MTR: variants seen among roughly 807,000 people sequenced by gnomAD.
MTR encodes 5-methyltetrahydrofolate-homocysteine methyltransferase.
A neutral mutation model predicts 154.8 loss-of-function variants in MTR; 84 were observed. The observed-to-expected ratio is 0.54, with a 90% CI of 0.45 to 0.65. MTR has a LOEUF of 0.65. Ranked by LOEUF, MTR falls within the 30% of genes least tolerant of loss-of-function variation. The pLI is 0.00. For synonymous variants in MTR, 554 were observed against 553.9 expected (o/e 1.00, Z 0.00); for missense variants, 1,275 against 1,570.2 (o/e 0.81, Z 3.18).
rs763138510 is a variant in MTR at position 236,886,355 on chromosome 1, G to C, written c.2839G>C (p.Glu947Gln). ...TGGTTTCCAAATGGATTGGCTGTCTGAACCTCACCCAGGTCTGTTTGGCTA... is the reference window on the plus strand; with the variant it reads ...TGGTTTCCAAATGGATTGGCTGTCTCAACCTCACCCAGGTCTGTTTGGCTA... ...KSGFQMDWLS[E>Q]PHPVKPTFIG... The change falls in exon 27 of 33, where the codon GAA becomes CAA. Residue 947 changes from glutamate (E) to glutamine (Q), a missense_variant. Coordinates refer to ENST00000366577, the MANE Select transcript of MTR (RefSeq NM_000254.3). 1 of 1,614,170 alleles carries C rather than the reference G, an allele frequency of 6.2e-7. No individual in the cohort carries two copies. Among genetic ancestry groups the C allele is most frequent in the Middle Eastern group, 1.6e-4 (1 of 6,062 alleles).
At position 236,815,672 on chromosome 1, in the gene MTR, T is replaced by C; in HGVS notation, c.669+9T>C. Reference sequence around the variant, plus strand: ...CTCCCCGGCCTATCTTTGTAAGTTCTAAAGTGTTTGCACAATACATTCTTT... The same window carrying C: ...CTCCCCGGCCTATCTTTGTAAGTTCCAAAGTGTTTGCACAATACATTCTTT... On this transcript the variant is annotated intron_variant, in intron 7 of 32. Coordinates refer to ENST00000366577, the MANE Select transcript of MTR (RefSeq NM_000254.3). The C allele has an allele frequency of 6.3e-7, 1 of 1,592,396 alleles. No individual in the cohort carries two copies. The highest frequency in any genetic ancestry group is 1.1e-5 in the South Asian group (1 of 89,998).
At chr1:236,887,333 G>A (rs1320739034) in intron 27 of MTR, among the ~76,000 whole-genome samples, 3 of 152,160 alleles carry the variant, frequency 2.0e-5, no homozygotes, top group Non-Finnish European at 4.4e-5. Flanking sequence ...TCATCCCAAC[G>A]TGGCTCCTGA....
At chr1:236,866,597 G>T (rs1046100274) in intron 22 of MTR, among the ~76,000 whole-genome samples, 1 of 152,180 alleles carries the variant, frequency 6.6e-6, no homozygotes, top group South Asian at 2.1e-4. Context: ...AGTGAGGAAG[G>T]CATGTCAAAA....
chr1:236,849,744 A>G (rs973112157), intron 15 of MTR, among the ~76,000 whole-genome samples: 1 of 152,200 alleles, frequency 6.6e-6, no homozygotes, highest in African/African-American at 2.4e-5. Context: ...TAGGGACATT[A>G]TTTTGAAGGT....
intron 5 of MTR, chr1:236,811,766 T>C: frequency 2.2e-6 from 1 of 446,072 alleles, no homozygotes; most frequent in Non-Finnish European, 4.5e-6. Flanking sequence ...AAATGATGCA[T>C]AGCAGGCCCT....
At chr1:236,824,341 A>C in intron 9 of MTR, 122 bp downstream of exon 9, 1 of 865,620 alleles carries the variant, frequency 1.2e-6, no homozygotes, top group Middle Eastern at 2.2e-4. Context: ...TTGACACTTA[A>C]TAAATGAAGA....
At chr1:236,835,787 G>A (rs1662873016) in intron 14 of MTR, 100 bp downstream of exon 14, 2 of 1,508,936 alleles carry the variant, frequency 1.3e-6, no homozygotes, top group Non-Finnish European at 1.8e-6. Context: ...CTCAAGAACT[G>A]GTTTTCTGTT....
At chr1:236,801,284 A>G (rs1360688887) in intron 1 of MTR, among the ~76,000 whole-genome samples, 1 of 152,216 alleles carries the variant, frequency 6.6e-6, no homozygotes, top group Non-Finnish European at 1.5e-5. Flanking sequence ...TTCAGTAAAC[A>G]CAATTAGCAA....
intron 7 of MTR, among the ~76,000 whole-genome samples, chr1:236,815,966 G>A (rs1661568800): frequency 6.6e-6 from 1 of 152,112 alleles, no homozygotes; most frequent in African/African-American, 2.4e-5. Flanking sequence ...AAGGAGGGGT[G>A]GACTTGCATG....
At chr1:236,869,308 T>A (rs1421923093) in intron 22 of MTR, among the ~76,000 whole-genome samples, 3 of 152,232 alleles carry the variant, frequency 2.0e-5, no homozygotes. Flanking sequence ...TTTTTTTTCC[T>A]GGATTAGTAT....
intron 18 of MTR, among the ~76,000 whole-genome samples, chr1:236,854,292 G>A (rs1463680847): frequency 6.6e-6 from 1 of 152,158 alleles, no homozygotes; most frequent in Admixed American, 6.5e-5. Flanking sequence ...ACGCTCACAC[G>A]ACCCTCCTCT....
rs1666835732 is a variant in MTR, at chr1:236,899,650, G to A, written c.*2006G>A. 1 of 152,184 alleles carries A rather than the reference G, an allele frequency of 6.6e-6. No individual in the cohort carries two copies. The highest frequency in any genetic ancestry group is 6.5e-5 in the Admixed American group (1 of 15,286). 9.4% of individuals were successfully genotyped at this position (152,184 alleles called of 1,614,324 possible). On this transcript the variant is annotated 3_prime_UTR_variant, in exon 33 of 33. Transcript: ENST00000366577. ...AGGACAAGATGGTTAAGTCAATTCTGTTAAAACTCAAGGCTTATATTAAGC... is the reference window on the plus strand; with the variant it reads ...AGGACAAGATGGTTAAGTCAATTCTATTAAAACTCAAGGCTTATATTAAGC...
At chr1:236,880,887 T>G in intron 25 of MTR, 51 bp downstream of exon 25, 2 of 1,505,668 alleles carry the variant, frequency 1.3e-6, no homozygotes, top group Non-Finnish European at 1.8e-6. Flanking sequence ...AAGCTTGCAT[T>G]ACAAGTAAGG....
chr1:236,899,117 G>A lies in MTR; in HGVS notation c.*1473G>A, dbSNP rs1447203558. 6.6e-6 allele frequency: 1 copy of A among 152,156 alleles called. No homozygotes were observed. Among genetic ancestry groups the A allele is most frequent in the African/African-American group, 2.4e-5 (1 of 41,420 alleles). 9.4% of individuals were successfully genotyped at this position (152,156 alleles called of 1,614,324 possible). On this transcript the variant is annotated 3_prime_UTR_variant, in exon 33 of 33. Transcript: ENST00000366577. Reference sequence around the variant, plus strand: ...ATATTCAAGATTATAAAGGTATCAGGTCTCCTAAAATTGATCTATGGATTT... The same window carrying A: ...ATATTCAAGATTATAAAGGTATCAGATCTCCTAAAATTGATCTATGGATTT...
rs1335905951 is a variant in MTR at position 236,901,630 on chromosome 1, A to G, written c.*3986A>G. The G allele has an allele frequency of 6.6e-6, 1 of 152,268 alleles. No homozygotes were observed. The highest frequency in any genetic ancestry group is 1.5e-5 in the Non-Finnish European group (1 of 68,092). The allele number at this position is 152,268 out of a possible 1,614,324, so 9.4% of individuals were successfully genotyped here. On this transcript the variant is annotated 3_prime_UTR_variant, in exon 33 of 33. Transcript: ENST00000366577. Reference sequence around the variant, plus strand: ...TTACAGTTCAGGAGTCTGGAAGTCCAAGATCATGGTGCCATCATGGCCGAG... The same window carrying G: ...TTACAGTTCAGGAGTCTGGAAGTCCGAGATCATGGTGCCATCATGGCCGAG...
At chr1:236,847,168 T>C (rs1328551662) in intron 15 of MTR, among the ~76,000 whole-genome samples, 1 of 152,192 alleles carries the variant, frequency 6.6e-6, no homozygotes, top group Non-Finnish European at 1.5e-5. Context: ...ATTACAGATG[T>C]GAGCCATTGT....
Position 236,894,542 on chromosome 1 carries a change from G to C in MTR, c.3390G>C (p.Gly1130=). 6.2e-7 allele frequency: 1 copy of C among 1,614,136 alleles called. No individual in the cohort carries two copies. The highest frequency in any genetic ancestry group is 8.5e-7 in the Non-Finnish European group (1 of 1,180,038). ...DYSSIMVKAL[G]DRLAEAFAEE... ...GCAGCATCATGGTCAAGGCGCTGGG[G>C]GACCGGCTGGCAGAGGTAAGGCAGA... Residue 1130 remains glycine, a synonymous_variant, in exon 30 of 33, where the codon GGG becomes GGC. Transcript: ENST00000366577.
At chr1:236,847,855 TAC>T (rs1663673031) in intron 15 of MTR, among the ~76,000 whole-genome samples, 1 of 152,242 alleles carries the variant, frequency 6.6e-6, no homozygotes, top group African/African-American at 2.4e-5. Flanking sequence ...TCCGTTGTTT[TAC>T]TGAACTTCTA....
intron 22 of MTR, among the ~76,000 whole-genome samples, chr1:236,868,802 A>C (rs571937816): frequency 3.3e-5 from 5 of 152,332 alleles, no homozygotes; most frequent in Non-Finnish European, 7.3e-5. Context: ...CAAACTGTAT[A>C]ATGTTGGAAC....
Sources: gnomAD v4.1 joint callset for allele counts (sites outside exome capture counted in the v4.1 genomes callset) on GRCh38, gnomAD v4.1.1 for gene constraint, MANE v1.5 for transcripts, NCBI Gene and HGNC (gene_info 2026-07-23, HGNC 2026-07-21) for gene names.